PTPRD: variants seen among roughly 807,000 people sequenced by gnomAD.
PTPRD encodes the protein protein tyrosine phosphatase receptor type D.
Under a neutral mutation model 214.5 loss-of-function variants are expected in PTPRD, and 34 were observed. The observed-to-expected ratio is 0.16, with a 90% CI of 0.12 to 0.21. PTPRD has a LOEUF of 0.21. Ranked by LOEUF, PTPRD falls within the 10% of genes least tolerant of loss-of-function variation. PTPRD has a pLI of 1.00. For synonymous variants in PTPRD, 1,128 were observed against 845.7 expected, an observed-to-expected ratio of 1.33 and a Z score of -5.79; for missense variants, 2,545 against 2,398.7, an observed-to-expected ratio of 1.06 and a Z score of -1.27.
At chr9:8,431,975 G>A (rs1405558527) in intron 35 of PTPRD, among the ~76,000 whole-genome samples, 1 of 152,136 alleles carries the variant, frequency 6.6e-6, no homozygotes, top group Non-Finnish European at 1.5e-5. Context: ...TTTTTGGTTG[G>A]TACGCTATTA....
At chr9:9,585,102 A>T (rs746939374) in intron 7 of PTPRD, among the ~76,000 whole-genome samples, 1 of 151,866 alleles carries the variant, frequency 6.6e-6, no homozygotes, top group Non-Finnish European at 1.5e-5. Context: ...GATTATTATC[A>T]TTTTTGTTTC....
At chr9:8,920,516 C>T (rs576782828) in intron 11 of PTPRD, among the ~76,000 whole-genome samples, 2 of 152,164 alleles carry the variant, frequency 1.3e-5, no homozygotes, top group African/African-American at 4.8e-5. Context: ...CTTCCCTGGG[C>T]CACACTGGAA....
intron 4 of PTPRD, among the ~76,000 whole-genome samples, chr9:9,974,616 T>G (rs1472892677): frequency 1.3e-5 from 2 of 151,946 alleles, no homozygotes; most frequent in East Asian, 3.8e-4. Flanking sequence ...TTTCCTAGGC[T>G]GAGTGTTTCT....
chr9:9,110,896 G>C (rs778458866), intron 10 of PTPRD, among the ~76,000 whole-genome samples: 2 of 152,126 alleles, frequency 1.3e-5, no homozygotes, highest in Non-Finnish European at 2.9e-5. Flanking sequence ...TTTTGTGTGT[G>C]TTTGTTTCAC....
At chr9:9,613,818 G>T (rs147897260) in intron 7 of PTPRD, among the ~76,000 whole-genome samples, 1 of 152,094 alleles carries the variant, frequency 6.6e-6, no homozygotes, top group African/African-American at 2.4e-5. Flanking sequence ...GAAAATTTGA[G>T]AAGCAGTGCT....
intron 2 of PTPRD, among the ~76,000 whole-genome samples, chr9:10,488,773 A>G (rs2099149577): frequency 6.6e-6 from 1 of 152,090 alleles, no homozygotes; most frequent in Admixed American, 6.5e-5. Context: ...CCAGACCATC[A>G]TCAATGTTCC....
intron 9 of PTPRD, among the ~76,000 whole-genome samples, chr9:9,374,576 T>C (rs1442209843): frequency 6.6e-6 from 1 of 152,150 alleles, no homozygotes; most frequent in Non-Finnish European, 1.5e-5. Flanking sequence ...AATGACGAAA[T>C]GCTTCCACTG....
chr9:9,761,307 A>G (rs2098653901), intron 6 of PTPRD, among the ~76,000 whole-genome samples: 1 of 152,230 alleles, frequency 6.6e-6, no homozygotes, highest in East Asian at 1.9e-4. Context: ...GATTCCATTT[A>G]TATATCATGT....
chr9:9,282,982 G>C (rs4492438), intron 9 of PTPRD, among the ~76,000 whole-genome samples: 1 of 151,062 alleles, frequency 6.6e-6, no homozygotes, highest in African/African-American at 2.4e-5. Flanking sequence ...TTCCACAGGG[G>C]ACAATATCCA....
chr9:9,105,303 C>G (rs1005548686), intron 10 of PTPRD, among the ~76,000 whole-genome samples: 2 of 151,402 alleles, frequency 1.3e-5, no homozygotes, highest in Non-Finnish European at 2.9e-5. Flanking sequence ...ATACCTCTTC[C>G]ATAGCTTTTC....
chr9:10,610,253 T>G (rs552693328), intron 2 of PTPRD, among the ~76,000 whole-genome samples: 2 of 152,152 alleles, frequency 1.3e-5, no homozygotes, highest in African/African-American at 4.8e-5. Flanking sequence ...CAAGCTTTAC[T>G]AGAAACAGCT....
intron 10 of PTPRD, among the ~76,000 whole-genome samples, chr9:9,068,652 C>T (rs967637417): frequency 2.0e-5 from 3 of 151,982 alleles, no homozygotes; most frequent in Non-Finnish European, 4.4e-5. Flanking sequence ...CTCACTTGTC[C>T]CCAGGCTGGA....
chr9:8,402,569 T>G (rs563814583), intron 36 of PTPRD, among the ~76,000 whole-genome samples: 1 of 152,324 alleles, frequency 6.6e-6, no homozygotes, highest in Non-Finnish European at 1.5e-5. Flanking sequence ...TACATTCATT[T>G]ATTTTATTTC....
chr9:9,180,012 T>A (rs1284951718), intron 10 of PTPRD, among the ~76,000 whole-genome samples: 1 of 152,090 alleles, frequency 6.6e-6, no homozygotes, highest in African/African-American at 2.4e-5. Context: ...AAGCTCTTTT[T>A]TATTGGCAAG....
chr9:9,963,579 T>A (rs187566463), intron 4 of PTPRD, among the ~76,000 whole-genome samples: 35 of 152,252 alleles, frequency 2.3e-4, no homozygotes, highest in Non-Finnish European at 4.7e-4. Flanking sequence ...AGTATAGAGT[T>A]TATTGTCATA....
At chr9:8,512,574 T>G (rs2097703124) in intron 21 of PTPRD, among the ~76,000 whole-genome samples, 1 of 152,008 alleles carries the variant, frequency 6.6e-6, no homozygotes, top group South Asian at 2.1e-4. Context: ...GCTTATATTT[T>G]AACACTTTTG....
At chr9:9,201,843 T>C (rs1375968619) in intron 9 of PTPRD, among the ~76,000 whole-genome samples, 2 of 152,194 alleles carry the variant, frequency 1.3e-5, no homozygotes, top group Admixed American at 1.3e-4. Flanking sequence ...AGTTGCCAAA[T>C]GTTTACCATG....
At chr9:9,184,377 T>G (rs1237492130) in intron 9 of PTPRD, among the ~76,000 whole-genome samples, 1 of 152,076 alleles carries the variant, frequency 6.6e-6, no homozygotes, top group East Asian at 1.9e-4. Context: ...ATCTTGCATA[T>G]GATCCTCATT....
At chr9:9,208,302 C>T (rs2099946295) in intron 9 of PTPRD, among the ~76,000 whole-genome samples, 1 of 151,746 alleles carries the variant, frequency 6.6e-6, no homozygotes, top group African/African-American at 2.4e-5. Context: ...GCGTGAGCCA[C>T]CAAGCCCCGC....
Sources: gnomAD v4.1 joint callset for allele counts (sites outside exome capture counted in the v4.1 genomes callset) on GRCh38, gnomAD v4.1.1 for gene constraint, MANE v1.5 for transcripts, NCBI Gene and HGNC (gene_info 2026-07-23, HGNC 2026-07-21) for gene names.